Variants in LPIN1 observed in about 807,000 individuals in gnomAD.
LPIN1 encodes phosphatidate phosphatase LPIN1.
A neutral mutation model predicts 107.5 loss-of-function variants in LPIN1; 71 were observed. The observed-to-expected ratio is 0.66, with a 90% confidence interval of 0.55 to 0.80. The LOEUF (loss-of-function observed/expected upper bound fraction) is 0.80. Ranked by LOEUF, LPIN1 falls within the 30% of genes least tolerant of loss-of-function variation. The pLI is 0.00. For missense variants in LPIN1, 1,043 were observed against 1,160.6 expected, an observed-to-expected ratio of 0.90 and a Z score of 1.47; for synonymous variants, 445 against 452.6, an observed-to-expected ratio of 0.98 and a Z score of 0.21.
upstream of LPIN1, among the ~76,000 whole-genome samples, chr2:11,743,325 TG>T (rs950246001): frequency 9.2e-5 from 14 of 152,342 alleles, no homozygotes; most frequent in African/African-American, 3.1e-4. The surrounding 1 kb of genome is among the most constrained non-coding windows in gnomAD (Gnocchi z 4.7). Context: ...TTCTGTGCTT[TG>T]GTTCCAGCTG....
At chr2:11,778,887 C>T in intron 6 of LPIN1, among the ~76,000 whole-genome samples, 1 of 152,230 alleles carries the variant, frequency 6.6e-6, no homozygotes, top group East Asian at 1.9e-4. Context: ...ACTGAGCGAG[C>T]CTTAACCAGT....
At chr2:11,679,427 G>T (rs144822834) in intron 1 of LPIN1, among the ~76,000 whole-genome samples, 2 of 152,346 alleles carry the variant, frequency 1.3e-5, no homozygotes, top group East Asian at 3.9e-4. Flanking sequence ...GATTATAAAA[G>T]CATGTTCATT....
At position 11,791,560 on chromosome 2, in the gene LPIN1, G is replaced by A. The variant is rs1004599623; in HGVS notation, c.1714-354G>A. ...TTATTTGATAATCATCATATTGAGA[G>A]TAATGATATCTTAACCAGTTAGCCA... On this transcript the variant is annotated intron_variant, in intron 12 of 20. Coordinates refer to ENST00000674199, the MANE Select transcript of LPIN1 (RefSeq NM_001349206.2). 9 of 757,568 alleles carry A rather than the reference G, an allele frequency of 1.2e-5. No homozygotes were observed. In the Admixed American group the frequency reaches 1.7e-4, roughly 14 times the overall value. 46.9% of individuals were successfully genotyped at this position (757,568 alleles called of 1,614,324 possible).
chr2:11,745,273 C>T (rs1666782214), upstream of LPIN1: 1 of 152,340 alleles, frequency 6.6e-6, no homozygotes, highest in Non-Finnish European at 1.5e-5. Context: ...TGAGTAGCCC[C>T]TGTAATCTGA....
At position 11,825,179 on chromosome 2, in the gene LPIN1, G is replaced by C. The variant is rs1222377562; in HGVS notation, c.*388G>C. On this transcript the variant is annotated 3_prime_UTR_variant, in exon 21 of 21. Transcript: ENST00000674199. This position sits in a 1 kb window ranked among gnomAD's most constrained non-coding sequence, Gnocchi z 4.1. ...GTCCCCGCCTAGGACAGGGTCAATC[G>C]AGGAATGCCAGATGTGCACGGTTTT... The C allele has an allele frequency of 7.1e-6, 2 of 282,460 alleles. No homozygotes were observed. Among genetic ancestry groups the C allele is most frequent in the Non-Finnish European group, 1.4e-5 (2 of 144,622 alleles). 17.5% of individuals were successfully genotyped at this position (282,460 alleles called of 1,614,324 possible).
chr2:11,738,634 G>T (rs1159559568), intron 1 of LPIN1, among the ~76,000 whole-genome samples: 1 of 152,162 alleles, frequency 6.6e-6, no homozygotes, highest in Non-Finnish European at 1.5e-5. Flanking sequence ...GAGAGGGGAA[G>T]CAATAAGAGC....
chr2:11,698,527 C>A (rs181809554), intron 1 of LPIN1, among the ~76,000 whole-genome samples: 25 of 152,218 alleles, frequency 1.6e-4, no homozygotes, highest in Non-Finnish European at 3.1e-4. Flanking sequence ...AACCCACTCA[C>A]GTGTGAGCTG....
Position 11,824,709 on chromosome 2 carries a change from C to G in LPIN1, c.2699C>G (p.Ser900Trp). The G allele has an allele frequency of 6.2e-7, 1 of 1,614,164 alleles. No individual in the cohort carries two copies. Among genetic ancestry groups the G allele is most frequent in the Non-Finnish European group, 8.5e-7 (1 of 1,180,036 alleles). The change falls in exon 21 of 21, where the codon TCG becomes TGG. Residue 900 changes from serine to tryptophan, a missense_variant. Coordinates refer to ENST00000674199, the MANE Select transcript of LPIN1 (RefSeq NM_001349206.2). ...KRSHSSDFPC[S>W]DTFSNFTFWR... ...AGCCATTCTTCAGACTTTCCCTGTT[C>G]GGATACCTTCAGTAACTTCACCTTT... is the stretch of plus-strand genomic sequence containing the variant.
intron 1 of LPIN1, among the ~76,000 whole-genome samples, chr2:11,736,342 T>G (rs1260888836): frequency 1.3e-5 from 2 of 152,256 alleles, no homozygotes; most frequent in Non-Finnish European, 2.9e-5. Context: ...CCGGCAGGGT[T>G]GGGTTCTGGT....
chr2:11,783,504 T>C (rs555822416), intron 8 of LPIN1, among the ~76,000 whole-genome samples: 2 of 152,322 alleles, frequency 1.3e-5, no homozygotes, highest in Admixed American at 1.3e-4. Context: ...AAGCGCAGGC[T>C]GTGGCCTCCA....
chr2:11,696,905 C>G (rs1195269765), intron 1 of LPIN1, among the ~76,000 whole-genome samples: 1 of 152,228 alleles, frequency 6.6e-6, no homozygotes, highest in African/African-American at 2.4e-5. Flanking sequence ...CCAGGTGTGC[C>G]TCCCCTGGCC....
chr2:11,764,364 C>T (rs1259941620), intron 1 of LPIN1: 1 of 152,174 alleles, frequency 6.6e-6, no homozygotes. Flanking sequence ...TCAGGCTGAT[C>T]TCGAACTCCT....
At chr2:11,746,693 C>G in intron 1 of LPIN1, 22 bp downstream of exon 1, 1 of 982,268 alleles carries the variant, frequency 1.0e-6, no homozygotes, top group Non-Finnish European at 1.2e-6. Context: ...CCGCCTCCAG[C>G]CTCCCGCTGT....
At chr2:11,761,499 G>A (rs1026345855) in intron 1 of LPIN1, among the ~76,000 whole-genome samples, 2 of 152,174 alleles carry the variant, frequency 1.3e-5, no homozygotes, top group Non-Finnish European at 2.9e-5. Flanking sequence ...TGTTTCCTCG[G>A]TTGAGAGAGG....
chr2:11,779,525 C>G lies in LPIN1; in HGVS notation c.837C>G (p.Ser279=), dbSNP rs779535108. The G allele has an allele frequency of 1.2e-6, 2 of 1,613,530 alleles. No homozygotes were observed. Among genetic ancestry groups the G allele is most frequent in the South Asian group, 2.2e-5 (2 of 91,060 alleles). The change falls in exon 7 of 21, where the codon TCC becomes TCG. Residue 279 remains serine (S), a synonymous_variant. Coordinates refer to ENST00000674199, the MANE Select transcript of LPIN1 (RefSeq NM_001349206.2). ...GCTTTGTGTTTTCCTTAAGTCCTTC[C>G]GGTTCCCGACCTTCAACACCTAAAA... The part of the protein sequence containing the change: ...SSLFHPSESP[S]GSRPSTPKSD...
At chr2:11,796,678 G>C (rs961667974) in intron 14 of LPIN1, among the ~76,000 whole-genome samples, 1 of 152,152 alleles carries the variant, frequency 6.6e-6, no homozygotes, top group Non-Finnish European at 1.5e-5. Context: ...GAATAGGAAG[G>C]CACCAGGGTA....
intron 19 of LPIN1, 59 bp downstream of exon 19, chr2:11,819,657 T>C: frequency 4.8e-6 from 6 of 1,248,624 alleles, no homozygotes; most frequent in Non-Finnish European, 5.9e-6. Flanking sequence ...CTGGTTGCTG[T>C]CATCTGAAAG....
At chr2:11,794,326 G>A (rs909177746) in intron 13 of LPIN1, among the ~76,000 whole-genome samples, 4 of 152,088 alleles carry the variant, frequency 2.6e-5, no homozygotes, top group African/African-American at 7.2e-5. Flanking sequence ...GTGGAGTGCC[G>A]CTATAAAGTA....
chr2:11,776,049 G>T (rs1317004746), intron 5 of LPIN1, 37 bp from the exon 6 acceptor site: 2 of 1,210,096 alleles, frequency 1.7e-6, no homozygotes, highest in East Asian at 5.2e-5. Flanking sequence ...CTCTGATTTT[G>T]TCTTTCTTTT....
Sources: allele counts gnomAD v4.1 joint callset (sites outside exome capture counted in the v4.1 genomes callset), GRCh38; gene constraint gnomAD v4.1.1; non-coding constraint Gnocchi (gnomAD v3.1); transcripts MANE v1.5; gene names NCBI Gene and HGNC (gene_info 2026-07-23, HGNC 2026-07-21).